The following NRP1 variants were observed in gnomAD, a reference collection of about 807,000 sequenced individuals.
NRP1 encodes neuropilin 1.
Under a neutral mutation model 106.7 loss-of-function variants are expected in NRP1, and 35 were observed. The ratio of observed to expected loss-of-function variants is 0.33; its 90% CI spans 0.25 to 0.43. The LOEUF (loss-of-function observed/expected upper bound fraction) is 0.43. Among genes scored for constraint, NRP1 ranks in the 20% least tolerant of loss-of-function variants. NRP1 has a pLI of 1.00. For synonymous variants in NRP1, 437 were observed against 417.9 expected (o/e 1.05, Z -0.56); for missense variants, 1,024 against 1,170.4 (o/e 0.87, Z 1.83).
chr10:33,320,070 T>G (rs893511286), intron 2 of NRP1, among the ~76,000 whole-genome samples: 9 of 150,232 alleles, frequency 6.0e-5, no homozygotes, highest in Middle Eastern at 3.4e-3. Flanking sequence ...CCCAGCACTT[T>G]GGGAGGCCGA....
intron 2 of NRP1, among the ~76,000 whole-genome samples, chr10:33,290,225 T>C (rs1240805015): frequency 6.6e-6 from 1 of 152,214 alleles, no homozygotes; most frequent in Admixed American, 6.5e-5. Flanking sequence ...TACAATCTTA[T>C]CTGTCTACAG....
Position 33,192,185 on chromosome 10 carries a change from C to A in NRP1, c.2062+96G>T, listed in dbSNP as rs190554742. ...AACGCCTGTAGTAATTCCTACCCGC[C>A]CTAAATTCACAGACATTAGAAACCC... On this transcript the variant is annotated intron_variant, in intron 13 of 16. Transcript: ENST00000374867. The A allele has an allele frequency of 5.9e-6, 8 of 1,353,386 alleles. No homozygotes were observed. In the African/African-American group the frequency reaches 1.2e-4, roughly 20 times the overall value. The allele number at this position is 1,353,386 out of a possible 1,614,324, so 83.8% of individuals were successfully genotyped here.
At chr10:33,263,360 T>A (rs989366643) in intron 4 of NRP1, among the ~76,000 whole-genome samples, 7 of 152,202 alleles carry the variant, frequency 4.6e-5, no homozygotes, top group Non-Finnish European at 7.3e-5. Flanking sequence ...AGAAAAACTA[T>A]GTGTTTGTCT....
intron 8 of NRP1, among the ~76,000 whole-genome samples, chr10:33,216,487 T>G (rs1470994254): frequency 6.6e-6 from 1 of 151,650 alleles, no homozygotes; most frequent in African/African-American, 2.4e-5. Context: ...AGGGTCTCAC[T>G]CTGTCACCCA....
At chr10:33,279,068 T>C (rs964533215) in intron 2 of NRP1, among the ~76,000 whole-genome samples, 2 of 152,232 alleles carry the variant, frequency 1.3e-5, no homozygotes, top group African/African-American at 4.8e-5. Flanking sequence ...CATGGGAATA[T>C]GAGAGCTGTC....
chr10:33,199,388 TA>T (rs1221313114), intron 11 of NRP1, among the ~76,000 whole-genome samples: 52 of 71,902 alleles, frequency 7.2e-4, no homozygotes, highest in African/African-American at 2.2e-3. Context: ...TATATATATA[TA>T]TTTTTTTTTT....
chr10:33,207,478 G>C lies in NRP1; in HGVS notation c.1759+94C>G. The C allele has an allele frequency of 2.8e-6, 4 of 1,417,680 alleles. No homozygotes were observed. The South Asian group carries it at 5.0e-5, about 18-fold the overall frequency. 87.8% of individuals were successfully genotyped at this position (1,417,680 alleles called of 1,614,324 possible). A position where few individuals can be genotyped will look rare whatever the true frequency, so the allele number is the denominator to read the frequency against. On this transcript the variant is annotated intron_variant, in intron 10 of 16. Coordinates refer to ENST00000374867, the MANE Select transcript of NRP1 (RefSeq NM_003873.7). ...GATAAGGGGCCTCCCAAGGGAAAAG[G>C]GTAGGCAATTTGCAAAGGCACCATC...
intron 2 of NRP1, among the ~76,000 whole-genome samples, chr10:33,320,033 C>T (rs2132871784): frequency 6.7e-6 from 1 of 149,366 alleles, no homozygotes; most frequent in African/African-American, 2.4e-5. Flanking sequence ...TGCTCCGGGG[C>T]CGGGCGTGGT....
chr10:33,208,497 T>C (rs1010340737), intron 9 of NRP1, among the ~76,000 whole-genome samples: 2 of 152,210 alleles, frequency 1.3e-5, no homozygotes, highest in Non-Finnish European at 2.9e-5. Flanking sequence ...GGTGGAATTC[T>C]GAGAAGATGG....
intron 8 of NRP1, among the ~76,000 whole-genome samples, chr10:33,214,014 G>A (rs1175234744): frequency 6.6e-6 from 1 of 152,138 alleles, no homozygotes; most frequent in East Asian, 1.9e-4. Context: ...TTGGTATCCA[G>A]AATTCATCCC....
At chr10:33,202,447 A>G (rs1242083413) in intron 11 of NRP1, 1 of 606,136 alleles carries the variant, frequency 1.6e-6, no homozygotes, top group South Asian at 3.3e-5. Context: ...CACTTCAAAT[A>G]TAAGCCTAAC....
chr10:33,255,099 C>T (rs1268463590), intron 5 of NRP1, among the ~76,000 whole-genome samples: 1 of 152,180 alleles, frequency 6.6e-6, no homozygotes, highest in Non-Finnish European at 1.5e-5. Context: ...AGATTCTCAA[C>T]CATCCAGAAA....
At chr10:33,303,584 A>G (rs1588957567) in intron 2 of NRP1, among the ~76,000 whole-genome samples, 1 of 152,220 alleles carries the variant, frequency 6.6e-6, no homozygotes, top group African/African-American at 2.4e-5. Flanking sequence ...TCATTGTAAT[A>G]AGGAAACAAA....
intron 2 of NRP1, among the ~76,000 whole-genome samples, chr10:33,305,451 G>A (rs1182257711): frequency 6.6e-6 from 1 of 152,148 alleles, no homozygotes; most frequent in Non-Finnish European, 1.5e-5. Flanking sequence ...ACCAGATCGT[G>A]ATTATGCATT....
At chr10:33,203,285 A>T (rs1837488703) in intron 10 of NRP1, among the ~76,000 whole-genome samples, 1 of 152,162 alleles carries the variant, frequency 6.6e-6, no homozygotes, top group African/African-American at 2.4e-5. Context: ...AAAGCTCTTG[A>T]ATTCTCACTG....
chr10:33,319,561 CTTT>C (rs1231412598), intron 2 of NRP1, among the ~76,000 whole-genome samples: 2 of 142,652 alleles, frequency 1.4e-5, no homozygotes, highest in Non-Finnish European at 3.1e-5. Context: ...GTGGTGCCAT[CTTT>C]TTTTTTTCTT....
chr10:33,244,600 AAT>A (rs1841278776), intron 6 of NRP1, among the ~76,000 whole-genome samples: 1 of 152,182 alleles, frequency 6.6e-6, no homozygotes, highest in Non-Finnish European at 1.5e-5. Flanking sequence ...ACTGGTTGGT[AAT>A]TGATAGCTTT....
intron 2 of NRP1, among the ~76,000 whole-genome samples, chr10:33,319,100 G>A (rs1191195102): frequency 6.7e-6 from 1 of 150,092 alleles, no homozygotes; most frequent in East Asian, 2.0e-4. Flanking sequence ...TGCTTCCCGG[G>A]TTCACGCCAT....
At chr10:33,219,155 G>A (rs1839023177) in intron 8 of NRP1, among the ~76,000 whole-genome samples, 1 of 152,188 alleles carries the variant, frequency 6.6e-6, no homozygotes, top group African/African-American at 2.4e-5. Flanking sequence ...TACTATTTTA[G>A]TCTAACGGGT....
Sources: allele counts gnomAD v4.1 joint callset (sites outside exome capture counted in the v4.1 genomes callset), GRCh38; gene constraint gnomAD v4.1.1; transcripts MANE v1.5; gene names NCBI Gene and HGNC (gene_info 2026-07-23, HGNC 2026-07-21).